The following STAG1 variants were observed in gnomAD, a reference collection of about 807,000 sequenced individuals.
STAG1 encodes cohesin subunit SA-1.
In STAG1, 26 loss-of-function variants were observed where a neutral mutation model predicts 170.9. The observed-to-expected ratio is 0.15, with a 90% CI of 0.11 to 0.21. STAG1 has a LOEUF of 0.21. Ranked by LOEUF, STAG1 falls within the 10% of genes least tolerant of loss-of-function variation. STAG1 has a pLI of 1.00. For missense variants in STAG1, 964 were observed against 1,509.5 expected, an observed-to-expected ratio of 0.64 and a Z score of 5.99; for synonymous variants, 514 against 497.7, an observed-to-expected ratio of 1.03 and a Z score of -0.44.
At chr3:136,720,605 C>G (rs969406339) in intron 1 of STAG1, among the ~76,000 whole-genome samples, 7 of 152,098 alleles carry the variant, frequency 4.6e-5, no homozygotes, top group African/African-American at 1.7e-4. Flanking sequence ...GCCTGGCCAA[C>G]ATGGCAAAAC....
At chr3:136,587,670 C>G (rs1937906684) in intron 4 of STAG1, among the ~76,000 whole-genome samples, 1 of 151,434 alleles carries the variant, frequency 6.6e-6, no homozygotes, top group Non-Finnish European at 1.5e-5. Flanking sequence ...GAAAAATTAG[C>G]CAGGCCAGGC....
At chr3:136,523,598 A>C (rs992894409) in intron 6 of STAG1, among the ~76,000 whole-genome samples, 1 of 152,136 alleles carries the variant, frequency 6.6e-6, no homozygotes, top group African/African-American at 2.4e-5. Flanking sequence ...CTTTAGTTTA[A>C]TTAGATCCCA....
intron 21 of STAG1, among the ~76,000 whole-genome samples, chr3:136,407,129 C>T (rs879816399): frequency 2.0e-5 from 3 of 152,126 alleles, no homozygotes; most frequent in Middle Eastern, 3.4e-3. Flanking sequence ...GGGGTTCAAG[C>T]GATTCTCCTG....
intron 30 of STAG1, among the ~76,000 whole-genome samples, chr3:136,342,484 A>C (rs1254242263): frequency 6.6e-6 from 1 of 150,860 alleles, no homozygotes; most frequent in Non-Finnish European, 1.5e-5. Context: ...ACACCTGGCT[A>C]ATTTTGTGGT....
chr3:136,399,404 G>T (rs867925039), intron 21 of STAG1, among the ~76,000 whole-genome samples: 1 of 152,074 alleles, frequency 6.6e-6, no homozygotes, highest in Non-Finnish European at 1.5e-5. Flanking sequence ...GATTATTTGG[G>T]AATTGGTATA....
chr3:136,669,252 C>A (rs182509069), intron 1 of STAG1, among the ~76,000 whole-genome samples: 1 of 152,318 alleles, frequency 6.6e-6, no homozygotes, highest in East Asian at 1.9e-4. Flanking sequence ...CTGAAAAGAT[C>A]AACACGGAAA....
At chr3:136,659,989 C>T (rs1219583705) in intron 1 of STAG1, among the ~76,000 whole-genome samples, 1 of 152,066 alleles carries the variant, frequency 6.6e-6, no homozygotes, top group African/African-American at 2.4e-5. Context: ...GAACAGCCTG[C>T]ACAACAAAGC....
At chr3:136,375,913 G>A (rs760880938) in intron 23 of STAG1, among the ~76,000 whole-genome samples, 6 of 150,940 alleles carry the variant, frequency 4.0e-5, no homozygotes, top group Non-Finnish European at 7.4e-5. Flanking sequence ...AGGTTGCAGT[G>A]AGCCGAGATC....
At chr3:136,487,669 G>A (rs547758653) in intron 9 of STAG1, among the ~76,000 whole-genome samples, 4 of 152,250 alleles carry the variant, frequency 2.6e-5, no homozygotes, top group Admixed American at 2.6e-4. Context: ...ATATACATGT[G>A]AATAATCACA....
chr3:136,401,069 T>A (rs1055011826), intron 21 of STAG1, among the ~76,000 whole-genome samples: 1 of 152,190 alleles, frequency 6.6e-6, no homozygotes, highest in Non-Finnish European at 1.5e-5. Context: ...TATTCCTTGC[T>A]ATGACACCAA....
intron 1 of STAG1, among the ~76,000 whole-genome samples, chr3:136,713,895 C>A (rs992257940): frequency 4.0e-5 from 6 of 151,258 alleles, no homozygotes; most frequent in Non-Finnish European, 7.4e-5. Flanking sequence ...TGGTGGCAGG[C>A]ACCTGTAATC....
intron 4 of STAG1, among the ~76,000 whole-genome samples, chr3:136,570,833 T>C (rs1218849095): frequency 1.3e-5 from 2 of 152,240 alleles, no homozygotes; most frequent in African/African-American, 2.4e-5. Context: ...CTATACATAA[T>C]ACTGTTTCAC....
chr3:136,737,095 G>A lies in STAG1; in HGVS notation c.-84+15100C>T, dbSNP rs1442578167. On this transcript the variant is annotated intron_variant, in intron 1 of 33. Transcript: ENST00000383202. ...GTGAAACTGAAGTAAGAGGAACCAG[G>A]ACAGGTCAGTCTTTCAATCTGATTT... 1.7e-5 allele frequency: 16 copies of A among 929,116 alleles called. No homozygotes were observed. In the Admixed American group the frequency reaches 2.7e-4, roughly 16 times the overall value. 57.6% of individuals were successfully genotyped at this position (929,116 alleles called of 1,614,324 possible). A position where few individuals can be genotyped will look rare whatever the true frequency, so the allele number is the denominator to read the frequency against.
At chr3:136,433,135 TA>T (rs1367505605) in intron 16 of STAG1, among the ~76,000 whole-genome samples, 3 of 152,092 alleles carry the variant, frequency 2.0e-5, no homozygotes, top group African/African-American at 7.2e-5. Context: ...AACTCATCTT[TA>T]ATATAAATAC....
chr3:136,741,955 A>T (rs560610108), intron 1 of STAG1, among the ~76,000 whole-genome samples: 1 of 152,342 alleles, frequency 6.6e-6, no homozygotes, highest in East Asian at 1.9e-4. Flanking sequence ...CCAGAAACAG[A>T]GAGACATTTC....
intron 6 of STAG1, among the ~76,000 whole-genome samples, chr3:136,538,133 A>G (rs1049201145): frequency 1.3e-5 from 2 of 152,214 alleles, no homozygotes; most frequent in Non-Finnish European, 2.9e-5. Flanking sequence ...TGATCACAGT[A>G]TTTTGATCAG....
At chr3:136,451,882 G>T in intron 14 of STAG1, 151 bp downstream of exon 14, 1 of 568,926 alleles carries the variant, frequency 1.8e-6, no homozygotes, top group Non-Finnish European at 3.1e-6. Flanking sequence ...TCCACAAAAG[G>T]TAAAGGACTG....
chr3:136,422,466 G>A lies in STAG1; in HGVS notation c.1981C>T (p.Leu661=). 1 of 1,614,012 alleles carries A rather than the reference G, an allele frequency of 6.2e-7. No individual in the cohort carries two copies. Among genetic ancestry groups the A allele is most frequent in the Non-Finnish European group, 8.5e-7 (1 of 1,179,984 alleles). Residue 661 remains leucine, a synonymous_variant, in exon 19 of 34, where the codon CTG becomes TTG. Coordinates refer to ENST00000383202, the MANE Select transcript of STAG1 (RefSeq NM_005862.3). ...AATCGATCTACAAACTCATCAATCAGCTGGCTTCGAGCTATGTCAACTCTG... is the reference window on the plus strand; with the variant it reads ...AATCGATCTACAAACTCATCAATCAACTGGCTTCGAGCTATGTCAACTCTG... ...QNRVDIARSQ[L]IDEFVDRFNH...
chr3:136,497,447 TAAAAAATA>T (rs1361712502), intron 9 of STAG1, among the ~76,000 whole-genome samples: 1 of 152,034 alleles, frequency 6.6e-6, no homozygotes, highest in Non-Finnish European at 1.5e-5. Context: ...ATTAAGTCTT[TAAAAAATA>T]AAACAACACA....
Sources: allele counts gnomAD v4.1 joint callset (sites outside exome capture counted in the v4.1 genomes callset), GRCh38; gene constraint gnomAD v4.1.1; transcripts MANE v1.5; gene names NCBI Gene and HGNC (gene_info 2026-07-23, HGNC 2026-07-21).